ALDH1A1: variants seen among roughly 807,000 people sequenced by gnomAD.
ALDH1A1 encodes aldehyde dehydrogenase 1A1.
In ALDH1A1, 19 loss-of-function variants were observed where a neutral mutation model predicts 62.1. That is an observed-to-expected ratio of 0.31 (90% CI 0.21 to 0.45). The LOEUF (loss-of-function observed/expected upper bound fraction) is 0.45. Ranked by LOEUF, ALDH1A1 falls within the 20% of genes least tolerant of loss-of-function variation. The probability of loss-of-function intolerance (pLI) is 1.00; values close to 1 mark genes in which losing one functional copy is unlikely to be tolerated. For missense variants in ALDH1A1, 521 were observed against 607.1 expected, an observed-to-expected ratio of 0.86 and a Z score of 1.49; for synonymous variants, 231 against 215.9, an observed-to-expected ratio of 1.07 and a Z score of -0.61.
At chr9:72,932,741 T>C (rs1019156510) in intron 2 of ALDH1A1, among the ~76,000 whole-genome samples, 15 of 152,254 alleles carry the variant, frequency 9.9e-5, no homozygotes, top group African/African-American at 3.6e-4. Context: ...TTCCTAAATT[T>C]ACAGAGCACT....
intron 2 of ALDH1A1, among the ~76,000 whole-genome samples, chr9:72,939,690 G>A (rs767152752): frequency 2.0e-4 from 30 of 151,666 alleles, no homozygotes; most frequent in Non-Finnish European, 3.2e-4. Flanking sequence ...GCTAATTTTT[G>A]TATTTTTAGT....
At chr9:72,943,466 T>C (rs1220739304) in intron 1 of ALDH1A1, among the ~76,000 whole-genome samples, 3 of 152,178 alleles carry the variant, frequency 2.0e-5, no homozygotes. Context: ...AGCCAGTGAA[T>C]GTTTTGTAAA....
intron 1 of ALDH1A1, chr9:72,942,483 C>T: frequency 1.6e-6 from 1 of 621,104 alleles, no homozygotes; most frequent in Non-Finnish European, 2.0e-6. Flanking sequence ...AAAAGCTTTC[C>T]CTGTTCTCTT....
At chr9:72,918,927 T>C in intron 7 of ALDH1A1, 105 bp from the exon 8 acceptor site, 4 of 784,006 alleles carry the variant, frequency 5.1e-6, no homozygotes, top group Non-Finnish European at 8.1e-6. Flanking sequence ...TAAAATTTCA[T>C]TTGGGAGAAA....
At chr9:72,941,485 C>G (rs2118569683) in intron 1 of ALDH1A1, among the ~76,000 whole-genome samples, 1 of 152,236 alleles carries the variant, frequency 6.6e-6, no homozygotes, top group East Asian at 1.9e-4. Context: ...TCCCTGGTCT[C>G]CTCTATACTT....
At chr9:72,913,837 C>G (rs905693550) in intron 9 of ALDH1A1, among the ~76,000 whole-genome samples, 56 of 152,252 alleles carry the variant, frequency 3.7e-4, no homozygotes, top group African/African-American at 1.3e-3. Flanking sequence ...CTACTGAATC[C>G]CCGGGCACAG....
At chr9:72,926,233 C>A (rs780612656) in intron 5 of ALDH1A1, among the ~76,000 whole-genome samples, 2 of 152,126 alleles carry the variant, frequency 1.3e-5, no homozygotes, top group Non-Finnish European at 2.9e-5. Context: ...GCCAGGGGCT[C>A]AACACAATGA....
chr9:72,910,050 A>C (rs966448400), intron 10 of ALDH1A1, among the ~76,000 whole-genome samples: 1 of 152,204 alleles, frequency 6.6e-6, no homozygotes, highest in Admixed American at 6.6e-5. Context: ...TGTGCAACAA[A>C]TCATTAACTT....
intron 8 of ALDH1A1, among the ~76,000 whole-genome samples, chr9:72,917,627 C>G (rs1830081489): frequency 6.6e-6 from 1 of 152,146 alleles, no homozygotes; most frequent in African/African-American, 2.4e-5. Context: ...CTCAGAATCA[C>G]TCACTCACCT....
chr9:72,952,541 C>T (rs1226717795), intron 1 of ALDH1A1, among the ~76,000 whole-genome samples: 1 of 151,856 alleles, frequency 6.6e-6, no homozygotes, highest in African/African-American at 2.4e-5. Flanking sequence ...TCTCTTTCTC[C>T]TTGTTTGCTT....
intron 1 of ALDH1A1, among the ~76,000 whole-genome samples, chr9:72,943,988 G>C (rs1048288779): frequency 1.3e-5 from 2 of 151,994 alleles, no homozygotes; most frequent in Non-Finnish European, 2.9e-5. Context: ...ATCTTTGGAG[G>C]TTTGTAACAC....
At position 72,928,983 on chromosome 9, in the gene ALDH1A1, A is replaced by C. The variant is rs148006185; in HGVS notation, c.351T>G (p.Asn117Lys). 1 of 1,613,816 alleles carries C rather than the reference A, an allele frequency of 6.2e-7. No individual in the cohort carries two copies. The highest frequency in any genetic ancestry group is 8.5e-7 in the Non-Finnish European group (1 of 1,179,884). Reference protein sequence around the residue: ...ESMNGGKLYSNAYLNDLAGCI... With the variant: ...ESMNGGKLYSKAYLNDLAGCI... ...AGCCTGCTAAATCATTCAGATATGC[A>C]TTGGAATAGAGTTTTCCACCATTCA... is the stretch of plus-strand genomic sequence containing the variant. Residue 117 changes from asparagine to lysine, a missense_variant, in exon 4 of 13, where the codon AAT becomes AAG. Transcript: ENST00000297785.
At chr9:72,908,548 G>GAAAGAAAGA (rs1829918909) in intron 11 of ALDH1A1, among the ~76,000 whole-genome samples, 1 of 29,684 alleles carries the variant, frequency 3.4e-5, no homozygotes, top group African/African-American at 1.3e-4. Flanking sequence ...AGAAAGAAAA[G>GAAAGAAAGA]AAAGAAGAAA....
At chr9:72,902,524 G>A (rs1018052192) in intron 12 of ALDH1A1, among the ~76,000 whole-genome samples, 4 of 151,978 alleles carry the variant, frequency 2.6e-5, no homozygotes, top group Non-Finnish European at 5.9e-5. Flanking sequence ...AGTAATTAAA[G>A]GGCTTAGCCT....
intron 2 of ALDH1A1, among the ~76,000 whole-genome samples, chr9:72,938,570 C>T (rs1830374406): frequency 1.3e-5 from 2 of 152,080 alleles, no homozygotes; most frequent in Admixed American, 1.3e-4. Context: ...CCTCAGCCTC[C>T]CGAGTAGCTG....
At chr9:72,908,591 GAAAGAAAGAAAGAA>G (rs1355147392) in intron 11 of ALDH1A1, among the ~76,000 whole-genome samples, 4 of 144,246 alleles carry the variant, frequency 2.8e-5, no homozygotes, top group African/African-American at 7.8e-5. Context: ...AAGAAAGAAA[GAAAGAAAGAAAGAA>G]AGAAAGAAAG....
chr9:72,927,453 G>A (rs774173508), intron 4 of ALDH1A1, among the ~76,000 whole-genome samples: 1 of 152,120 alleles, frequency 6.6e-6, no homozygotes, highest in African/African-American at 2.4e-5. Context: ...CCATAAAATT[G>A]AGTTAGGTGA....
chr9:72,939,550 C>CTT lies in ALDH1A1; in HGVS notation c.171+596_171+597dup, dbSNP rs111546946. 7.5e-3 allele frequency among the ~76,000 whole-genome samples: 1,098 copies of CTT among 146,486 alleles called. 20 individuals carry two copies. The highest frequency in any genetic ancestry group is 0.053 in the South Asian group (245 of 4,662). On this transcript the variant is annotated intron_variant, in intron 2 of 12. Coordinates refer to ENST00000297785, the MANE Select transcript of ALDH1A1 (RefSeq NM_000689.5). Reference sequence around the variant, plus strand: ...AAGCATTTCTCTCCTTTTTCCTTTTCTTTTTTTTTTTGGCTGGAGTGCAGT... The same window carrying CTT: ...AAGCATTTCTCTCCTTTTTCCTTTTCTTTTTTTTTTTTTGGCTGGAGTGCAGT...
chr9:72,914,735 GTATA>G (rs35871415), intron 9 of ALDH1A1, among the ~76,000 whole-genome samples: 2 of 150,794 alleles, frequency 1.3e-5, no homozygotes, highest in South Asian at 4.2e-4. Flanking sequence ...AATATGCAAA[GTATA>G]TATATATATT....
Sources: allele counts gnomAD v4.1 joint callset (sites outside exome capture counted in the v4.1 genomes callset), GRCh38; gene constraint gnomAD v4.1.1; transcripts MANE v1.5; gene names NCBI Gene and HGNC (gene_info 2026-07-23, HGNC 2026-07-21).